The following RHBDL3 variants were observed in gnomAD, a reference collection of about 807,000 sequenced individuals.
RHBDL3 encodes rhomboid like 3.
Under a neutral mutation model 48.2 loss-of-function variants are expected in RHBDL3, and 28 were observed. The ratio of observed to expected loss-of-function variants is 0.58; its 90% CI spans 0.43 to 0.80. The LOEUF is 0.80. Ranked by LOEUF, RHBDL3 falls within the 30% of genes least tolerant of loss-of-function variation. RHBDL3 has a pLI of 0.00. For synonymous variants in RHBDL3, 208 were observed against 232.3 expected (o/e 0.90, Z 0.95); for missense variants, 464 against 542.7 (o/e 0.85, Z 1.44).
intron 7 of RHBDL3, among the ~76,000 whole-genome samples, chr17:32,306,021 T>C (rs2150741424): frequency 6.6e-6 from 1 of 152,290 alleles, no homozygotes; most frequent in South Asian, 2.1e-4. Flanking sequence ...CTCATCAAAA[T>C]TCTCAAATAG....
chr17:32,276,414 CA>C (rs754006563), intron 2 of RHBDL3, among the ~76,000 whole-genome samples: 15 of 152,282 alleles, frequency 9.9e-5, no homozygotes, highest in Non-Finnish European at 1.9e-4. Context: ...CTGACCTTGG[CA>C]GCTGCAGCCT....
chr17:32,308,631 A>T (rs1392887492), intron 7 of RHBDL3, among the ~76,000 whole-genome samples: 2 of 152,114 alleles, frequency 1.3e-5, no homozygotes, highest in African/African-American at 2.4e-5. Flanking sequence ...AGAAAGAAAG[A>T]AAGTTATGTG....
At chr17:32,267,713 A>C in intron 1 of RHBDL3, 189 bp from the exon 2 acceptor site, 3 of 1,189,574 alleles carry the variant, frequency 2.5e-6, no homozygotes, top group South Asian at 1.6e-5. Flanking sequence ...CTCAGTGTGG[A>C]CTCATTGGGG....
intron 7 of RHBDL3, among the ~76,000 whole-genome samples, chr17:32,306,023 C>G (rs879478146): frequency 1.3e-5 from 2 of 152,016 alleles, no homozygotes; most frequent in African/African-American, 2.4e-5. Context: ...CATCAAAATT[C>G]TCAAATAGGA....
At chr17:32,276,541 A>G (rs1031025059) in intron 2 of RHBDL3, among the ~76,000 whole-genome samples, 11 of 152,196 alleles carry the variant, frequency 7.2e-5, no homozygotes, top group Middle Eastern at 3.4e-3. Flanking sequence ...AGCCTCGTTA[A>G]TTCTGCTCTG....
intron 2 of RHBDL3, among the ~76,000 whole-genome samples, chr17:32,272,058 A>G (rs563073309): frequency 8.5e-5 from 13 of 152,336 alleles, no homozygotes; most frequent in African/African-American, 3.1e-4. Context: ...CCTCTGTACA[A>G]TGGGGACGTA....
chr17:32,273,221 C>T (rs1303562218), intron 2 of RHBDL3, among the ~76,000 whole-genome samples: 3 of 152,134 alleles, frequency 2.0e-5, no homozygotes, highest in East Asian at 3.9e-4. Context: ...AGGCTGGTCT[C>T]GAACTCCTGA....
chr17:32,283,614 C>T (rs546792446), intron 2 of RHBDL3, among the ~76,000 whole-genome samples: 4 of 152,176 alleles, frequency 2.6e-5, no homozygotes, highest in East Asian at 3.9e-4. Context: ...TGAGCCACTG[C>T]GCCTGGCCCG....
intron 2 of RHBDL3, among the ~76,000 whole-genome samples, chr17:32,276,109 G>T (rs1241941135): frequency 1.3e-5 from 2 of 152,088 alleles, no homozygotes; most frequent in African/African-American, 2.4e-5. Flanking sequence ...TTACTCTAGG[G>T]TTGGCATGAG....
intron 7 of RHBDL3, among the ~76,000 whole-genome samples, chr17:32,313,978 C>T (rs572331797): frequency 2.0e-5 from 3 of 152,146 alleles, no homozygotes; most frequent in South Asian, 4.2e-4. Flanking sequence ...AGGATGGTCT[C>T]GATCTCCTTT....
rs562779986 is a variant in RHBDL3, at chr17:32,305,372, C to T, written c.813C>T (p.Thr271=). The change falls in exon 7 of 9, where the codon ACC becomes ACT. Residue 271 remains threonine, a synonymous_variant. Coordinates refer to ENST00000269051, the MANE Select transcript of RHBDL3 (RefSeq NM_138328.3). ...GSLAVSVADM[T]APVVGSSGGV... is the part of the protein sequence containing the mutation. ...TGGCAGTGTCTGTGGCTGACATGACCGCTCCAGTCGTGGGCTCTTCTGGAG... is the reference window on the plus strand; with the variant it reads ...TGGCAGTGTCTGTGGCTGACATGACTGCTCCAGTCGTGGGCTCTTCTGGAG... 56 of 1,613,794 alleles carry T rather than the reference C, an allele frequency of 3.5e-5. 1 individual carries two copies. In the East Asian group the frequency reaches 3.8e-4, roughly 11 times the overall value.
intron 4 of RHBDL3, among the ~76,000 whole-genome samples, chr17:32,291,961 G>A (rs1016671890): frequency 2.0e-5 from 3 of 151,718 alleles, no homozygotes; most frequent in Admixed American, 6.6e-5. Context: ...TAGTAGAGAC[G>A]GGGTTTCACC....
In RHBDL3 at chr17:32,316,223, T is replaced by C. The variant is rs2150755625; in HGVS notation, c.883-9T>C. 4.3e-6 allele frequency: 7 copies of C among 1,611,128 alleles called. No homozygotes were observed. Among genetic ancestry groups the C allele is most frequent in the East Asian group, 4.5e-5 (2 of 44,844 alleles). On this transcript the variant is annotated splice_polypyrimidine_tract_variant and intron_variant, in intron 7 of 8. Transcript: ENST00000269051. ...ATCTGGAACTGACTGAGCTCTCCTT[T>C]TTCCCTAGAACTGGTCAGGCATGAA...
intron 6 of RHBDL3, among the ~76,000 whole-genome samples, chr17:32,302,577 C>T (rs540150242): frequency 9.2e-5 from 14 of 151,402 alleles, no homozygotes; most frequent in Non-Finnish European, 1.5e-5. Flanking sequence ...AATGGGGTTT[C>T]ACCATGTTGG....
intron 7 of RHBDL3, among the ~76,000 whole-genome samples, chr17:32,309,407 C>T (rs1432625500): frequency 2.0e-5 from 3 of 151,938 alleles, no homozygotes; most frequent in Non-Finnish European, 4.4e-5. Context: ...ACAAAATTAG[C>T]TGGGTGTGGT....
Position 32,320,971 on chromosome 17 carries a change from T to A in RHBDL3, c.957T>A (p.Phe319Leu). 1 of 1,612,194 alleles carries A rather than the reference T, an allele frequency of 6.2e-7. No individual in the cohort carries two copies. The highest frequency in any genetic ancestry group is 2.2e-5 in the East Asian group (1 of 44,858). Residue 319 changes from phenylalanine to leucine, a missense_variant, in exon 9 of 9, where the codon TTT becomes TTA. Physicochemically the swap from Phe to Leu is conservative, Grantham distance 22 (BLOSUM62 0). Coordinates refer to ENST00000269051, the MANE Select transcript of RHBDL3 (RefSeq NM_138328.3). ...AVALICMSMEFGRAVWLRFHP... is the reference protein window; with the variant it reads ...AVALICMSMELGRAVWLRFHP... ...CTCCCCTTGCAGTGAGCATGGAGTT[T>A]GGGCGGGCCGTGTGGCTCCGCTTCC...
At chr17:32,278,438 AC>A (rs1200932660) in intron 2 of RHBDL3, among the ~76,000 whole-genome samples, 2 of 152,188 alleles carry the variant, frequency 1.3e-5, no homozygotes, top group African/African-American at 4.8e-5. Flanking sequence ...TCACTCTCTG[AC>A]CTGGACTAGT....
At chr17:32,307,683 G>T (rs1465867091) in intron 7 of RHBDL3, among the ~76,000 whole-genome samples, 1 of 152,200 alleles carries the variant, frequency 6.6e-6, no homozygotes, top group Non-Finnish European at 1.5e-5. Flanking sequence ...CTCAGTGTGT[G>T]TGTGCAGGTG....
chr17:32,296,145 A>G (rs1383262568), intron 5 of RHBDL3, among the ~76,000 whole-genome samples: 4 of 150,332 alleles, frequency 2.7e-5, no homozygotes, highest in Non-Finnish European at 1.5e-5. Context: ...GGAGAATGGC[A>G]TGAACCCAGG....
Sources: allele counts gnomAD v4.1 joint callset (sites outside exome capture counted in the v4.1 genomes callset), GRCh38; gene constraint gnomAD v4.1.1; transcripts MANE v1.5; gene names NCBI Gene and HGNC (gene_info 2026-07-23, HGNC 2026-07-21).